Variants in ENAH observed in about 807,000 individuals in gnomAD.
ENAH encodes the protein ENAH actin regulator, also known as protein enabled homolog.
ENAH carries 23 observed loss-of-function variants against 78.7 expected under a neutral mutation model. The ratio of observed to expected loss-of-function variants is 0.29; its 90% CI spans 0.21 to 0.41. The LOEUF is 0.41. Ranked by LOEUF, ENAH falls within the 10% of genes least tolerant of loss-of-function variation. The pLI is 1.00. For synonymous variants in ENAH, 226 were observed against 241.0 expected, an observed-to-expected ratio of 0.94 and a Z score of 0.58; for missense variants, 544 against 691.0, an observed-to-expected ratio of 0.79 and a Z score of 2.39.
rs146464464 is a variant in ENAH, at chr1:225,554,937, A to G, written c.318T>C (p.His106=). 221 of 1,596,824 alleles carry G rather than the reference A, an allele frequency of 1.4e-4. No individual in the cohort carries two copies. In the African/African-American group the frequency reaches 2.4e-3, roughly 17 times the overall value. ...CCTGTGAATTTAACACTTCTAAGGCATGCATCATGGCACTTGCGAAGACAT... is the reference window on the plus strand; with the variant it reads ...CCTGTGAATTTAACACTTCTAAGGCGTGCATCATGGCACTTGCGAAGACAT... ...DANVFASAMM[H]ALEVLNSQET... is the part of the protein sequence containing the mutation. The change falls in exon 3 of 14, where the codon CAT becomes CAC. Residue 106 remains histidine (H), a synonymous_variant. Coordinates refer to ENST00000366843, the MANE Select transcript of ENAH (RefSeq NM_018212.6).
intron 10 of ENAH, among the ~76,000 whole-genome samples, chr1:225,510,496 T>TA (rs1398345820): frequency 1.3e-5 from 2 of 151,992 alleles, no homozygotes; most frequent in Non-Finnish European, 2.9e-5. Flanking sequence ...AGGATAAAGC[T>TA]AAAATAAGTG....
At chr1:225,598,532 A>G (rs1309939866) in intron 1 of ENAH, among the ~76,000 whole-genome samples, 2 of 101,452 alleles carry the variant, frequency 2.0e-5, no homozygotes, top group Non-Finnish European at 5.1e-5. Context: ...AGATAGTAAC[A>G]TTACTGAGTT....
intron 4 of ENAH, among the ~76,000 whole-genome samples, chr1:225,520,244 G>A (rs908713724): frequency 6.6e-5 from 10 of 150,878 alleles, no homozygotes; most frequent in South Asian, 2.1e-4. Flanking sequence ...GCAGTGAGCC[G>A]AGATCGTGCC....
intron 3 of ENAH, among the ~76,000 whole-genome samples, chr1:225,552,635 C>T (rs2096647022): frequency 6.6e-6 from 1 of 152,124 alleles, no homozygotes; most frequent in Admixed American, 6.5e-5. Flanking sequence ...GCTTCCTTGC[C>T]AGTGACTGAT....
At chr1:225,622,916 A>C (rs1389788876) in intron 1 of ENAH, among the ~76,000 whole-genome samples, 2 of 152,218 alleles carry the variant, frequency 1.3e-5, no homozygotes, top group Non-Finnish European at 2.9e-5. Context: ...AAAGGAAAAA[A>C]CTAGAAGCAG....
At chr1:225,631,954 C>G (rs1442067145) in intron 1 of ENAH, among the ~76,000 whole-genome samples, 1 of 148,656 alleles carries the variant, frequency 6.7e-6, no homozygotes, top group African/African-American at 2.6e-5. Flanking sequence ...AAGTTTTTCT[C>G]CTACTCACAA....
chr1:225,577,030 G>T (rs959122970), intron 1 of ENAH, among the ~76,000 whole-genome samples: 3 of 152,160 alleles, frequency 2.0e-5, no homozygotes, highest in African/African-American at 7.2e-5. Context: ...AGCTATTCAG[G>T]AGGCTGAGGT....
At chr1:225,633,674 C>G (rs951444590) in intron 1 of ENAH, among the ~76,000 whole-genome samples, 2 of 152,124 alleles carry the variant, frequency 1.3e-5, no homozygotes, top group Non-Finnish European at 2.9e-5. Context: ...ATGGCTTATT[C>G]GAATCCATTA....
At chr1:225,509,860 A>G (rs2096362888) in intron 10 of ENAH, among the ~76,000 whole-genome samples, 1 of 152,104 alleles carries the variant, frequency 6.6e-6, no homozygotes, top group African/African-American at 2.4e-5. Context: ...TACCTTGCTC[A>G]TGCTATACTT....
chr1:225,575,910 A>T (rs1184956536), intron 1 of ENAH, among the ~76,000 whole-genome samples: 1 of 152,192 alleles, frequency 6.6e-6, no homozygotes, highest in African/African-American at 2.4e-5. Context: ...CTGAAATACG[A>T]CAGTGAAAGC....
intron 2 of ENAH, among the ~76,000 whole-genome samples, chr1:225,566,420 C>T (rs2096735410): frequency 6.6e-6 from 1 of 152,158 alleles, no homozygotes; most frequent in South Asian, 2.1e-4. Context: ...CACACTACCA[C>T]ACAATGTAGG....
At chr1:225,555,178 T>G in intron 2 of ENAH, 95 bp from the exon 3 acceptor site, 1 of 1,134,636 alleles carries the variant, frequency 8.8e-7, no homozygotes, top group Non-Finnish European at 1.2e-6. Flanking sequence ...TCAAATGTGT[T>G]CCTAACAGAC....
chr1:225,508,273 G>A (rs112647650), intron 10 of ENAH: 6,439 of 238,352 alleles, frequency 0.027, 119 homozygotes, highest in East Asian at 0.063. Context: ...AAAATATTAT[G>A]ATTCTATAAC....
chr1:225,650,771 A>AC (rs1273585745), intron 1 of ENAH, among the ~76,000 whole-genome samples: 1 of 143,926 alleles, frequency 6.9e-6, no homozygotes, highest in Non-Finnish European at 1.5e-5. Context: ...AATCGCTTGA[A>AC]CCCAGGAGGC....
At chr1:225,564,110 C>CAA (rs1307069252) in intron 2 of ENAH, among the ~76,000 whole-genome samples, 1 of 151,472 alleles carries the variant, frequency 6.6e-6, no homozygotes, top group Non-Finnish European at 1.5e-5. Context: ...TTTGATTCTG[C>CAA]AAGTTTTTTT....
intron 1 of ENAH, among the ~76,000 whole-genome samples, chr1:225,608,815 C>CAAAAAAAAAAA (rs928281132): frequency 0.033 from 680 of 20,662 alleles, 113 homozygotes; most frequent in African/African-American, 0.11. Context: ...GACTCTGTCT[C>CAAAAAAAAAAA]AAAAAAAAAA....
rs769726462 is a variant in ENAH, at chr1:225,500,946, A to T, written c.1617+46T>A. ...AGATATGCATATGGGATATTTTTTA[A>T]AAAGAAACAAGTACAAATAAAGGAA... is the stretch of plus-strand genomic sequence containing the variant. On this transcript the variant is annotated intron_variant, in intron 12 of 13. Coordinates refer to ENST00000366843, the MANE Select transcript of ENAH (RefSeq NM_018212.6). 1.7e-5 allele frequency: 27 copies of T among 1,558,992 alleles called. No individual in the cohort carries two copies. In the East Asian group the frequency reaches 6.0e-4, roughly 35 times the overall value.
intron 6 of ENAH, among the ~76,000 whole-genome samples, chr1:225,516,555 C>T (rs912049045): frequency 2.0e-5 from 3 of 152,028 alleles, no homozygotes; most frequent in Non-Finnish European, 4.4e-5. Context: ...GGTAGATCAA[C>T]GTGTCAAGCA....
intron 1 of ENAH, among the ~76,000 whole-genome samples, chr1:225,582,392 TGAG>T (rs1311052967): frequency 1.3e-5 from 2 of 152,186 alleles, no homozygotes; most frequent in Admixed American, 1.3e-4. Context: ...CACTGGAGAA[TGAG>T]AAGAAGGGAG....
Sources: allele counts gnomAD v4.1 joint callset (sites outside exome capture counted in the v4.1 genomes callset), GRCh38; gene constraint gnomAD v4.1.1; transcripts MANE v1.5; gene names NCBI Gene and HGNC (gene_info 2026-07-23, HGNC 2026-07-21).